SSBP4: variants seen among roughly 807,000 people sequenced by gnomAD.
The protein encoded by SSBP4 is single stranded DNA binding protein 4.
A neutral mutation model predicts 64.6 loss-of-function variants in SSBP4; 33 were observed. That is an observed-to-expected ratio of 0.51 (90% CI 0.39 to 0.68). The LOEUF is 0.68. Among genes scored for constraint, SSBP4 ranks in the 30% least tolerant of loss-of-function variants. SSBP4 has a pLI of 0.00. For synonymous variants in SSBP4, 243 were observed against 224.0 expected (o/e 1.08, Z -0.76); for missense variants, 583 against 566.8 (o/e 1.03, Z -0.29).
intron 1 of SSBP4, chr19:18,425,859 C>G (rs1020322669): frequency 6.6e-6 from 1 of 152,420 alleles, no homozygotes; most frequent in Non-Finnish European, 1.5e-5. Context: ...CTTGCCTTTC[C>G]GTAGCCTCAG....
Position 18,433,622 on chromosome 19 carries a change from G to C in SSBP4, c.1020+9G>C. On this transcript the variant is annotated intron_variant, in intron 16 of 17. Transcript: ENST00000270061. ...TGGACGGGTTGCCGAAGGTAAGGAG[G>C]CTGCGCTCTTGCCGGGGGTGGGATC... 6.8e-7 allele frequency: 1 copy of C among 1,480,770 alleles called. No homozygotes were observed. The highest frequency in any genetic ancestry group is 9.0e-7 in the Non-Finnish European group (1 of 1,117,102). 91.7% of individuals were successfully genotyped at this position (1,480,770 alleles called of 1,614,324 possible). A position where few individuals can be genotyped will look rare whatever the true frequency, so the allele number is the denominator to read the frequency against.
intron 17 of SSBP4, 37 bp downstream of exon 17, chr19:18,433,854 T>C: frequency 8.1e-7 from 1 of 1,229,300 alleles, no homozygotes; most frequent in South Asian, 1.7e-5. Context: ...CGCGGCGGCG[T>C]CGGGCCGGAG....
chr19:18,415,739 C>T (rs910605981), upstream of SSBP4, among the ~76,000 whole-genome samples: 15 of 152,298 alleles, frequency 9.8e-5, no homozygotes, highest in African/African-American at 3.1e-4. Context: ...AGCGCAAAGG[C>T]TTATGGGTGG....
chr19:18,428,355 T>TG (rs1402514386), intron 4 of SSBP4, among the ~76,000 whole-genome samples: 3 of 152,040 alleles, frequency 2.0e-5, no homozygotes, highest in Admixed American at 1.3e-4. Flanking sequence ...GTGTGTGCAT[T>TG]GGGGGTCACT....
chr19:18,419,428 G>T lies in SSBP4; in HGVS notation c.-221G>T. The T allele has an allele frequency of 9.6e-7, 1 of 1,045,324 alleles. No homozygotes were observed. The highest frequency in any genetic ancestry group is 1.1e-6 in the Non-Finnish European group (1 of 870,704). 64.8% of individuals were successfully genotyped at this position (1,045,324 alleles called of 1,614,324 possible). A position where few individuals can be genotyped will look rare whatever the true frequency, so the allele number is the denominator to read the frequency against. On this transcript the variant is annotated 5_prime_UTR_variant, in exon 1 of 18. Coordinates refer to ENST00000270061, the MANE Select transcript of SSBP4 (RefSeq NM_032627.5). ...CCGGAACAGCCCGCGCGGAGGAAAGGGAGGAAAAAAAGCCACCCTGCGGCC... is the reference window on the plus strand; with the variant it reads ...CCGGAACAGCCCGCGCGGAGGAAAGTGAGGAAAAAAAGCCACCCTGCGGCC...
Position 18,427,174 on chromosome 19 carries a change from G to T in SSBP4, c.60-177G>T, listed in dbSNP as rs887932159. Among the ~76,000 whole-genome samples the T allele has an allele frequency of 6.6e-6, 1 of 152,168 alleles. No homozygotes were observed. The highest frequency in any genetic ancestry group is 2.4e-5 in the African/African-American group (1 of 41,424). ...ACAGCCGAATTCGGCCCGGAATTGG[G>T]GGTCACGGATGCCTGGGAGGGGCCT... On this transcript the variant is annotated intron_variant, in intron 1 of 17. Coordinates refer to ENST00000270061, the MANE Select transcript of SSBP4 (RefSeq NM_032627.5). The surrounding 1 kb of genome is among the most constrained non-coding windows in gnomAD (Gnocchi z 4.4).
the SSBP4 span, among the ~76,000 whole-genome samples, chr19:18,405,715 A>C: frequency 7.5e-5 from 11 of 146,930 alleles, no homozygotes; most frequent in Admixed American, 6.1e-4. Context: ...GGCCAAGTGC[A>C]GTGGCTCATG....
At chr19:18,422,364 C>T (rs1466914970) in intron 1 of SSBP4, among the ~76,000 whole-genome samples, 1 of 152,142 alleles carries the variant, frequency 6.6e-6, no homozygotes, top group East Asian at 1.9e-4. Flanking sequence ...GGACTCAAGG[C>T]TCTCGGAAGT....
Position 18,431,726 on chromosome 19 carries a change from A to C in SSBP4, c.495+20A>C, listed in dbSNP as rs1973399934. 1 of 1,545,122 alleles carries C rather than the reference A, an allele frequency of 6.5e-7. No individual in the cohort carries two copies. The highest frequency in any genetic ancestry group is 1.4e-5 in the African/African-American group (1 of 72,906). ...AGTCAGGTGAGAAAGGGATGAGGGG[A>C]GGGCGGGCAGGAGCTGGGCCGGGGA... On this transcript the variant is annotated intron_variant, in intron 7 of 17. Coordinates refer to ENST00000270061, the MANE Select transcript of SSBP4 (RefSeq NM_032627.5).
At chr19:18,430,779 C>G (rs1600338446) in intron 4 of SSBP4, 62 bp from the exon 5 acceptor site, 9 of 1,481,318 alleles carry the variant, frequency 6.1e-6, no homozygotes, top group Middle Eastern at 3.5e-4. Context: ...GGGGGGCACA[C>G]CCCAGGTAGG....
chr19:18,433,465 G>C, intron 15 of SSBP4, 120 bp from the exon 16 acceptor site: 4 of 1,484,814 alleles, frequency 2.7e-6, no homozygotes, highest in Non-Finnish European at 3.6e-6. Context: ...GTTCCTGGCG[G>C]GCTGTGCGGG....
At position 18,426,620 on chromosome 19, in the gene SSBP4, G is replaced by T. The variant is rs1305044988; in HGVS notation, c.60-731G>T. Among the ~76,000 whole-genome samples the T allele has an allele frequency of 6.6e-6, 1 of 152,208 alleles. No homozygotes were observed. The stretch of plus-strand genomic sequence containing the variant: ...GCTGGAGCCACCTGGCTGGGCGAGG[G>T]TGACTCAGGTCCAAGCCCTTGGGGT... On this transcript the variant is annotated intron_variant, in intron 1 of 17. Coordinates refer to ENST00000270061, the MANE Select transcript of SSBP4 (RefSeq NM_032627.5). The surrounding 1 kb of genome is among the most constrained non-coding windows in gnomAD (Gnocchi z 4.5).
upstream of SSBP4, among the ~76,000 whole-genome samples, chr19:18,418,303 G>A (rs1393184438): frequency 1.3e-5 from 2 of 152,198 alleles, no homozygotes; most frequent in South Asian, 2.1e-4. The surrounding 1 kb of genome is among the most constrained non-coding windows in gnomAD (Gnocchi z 6.7). Flanking sequence ...TCTAGACCCA[G>A]AGTCAACCGC....
the SSBP4 span, among the ~76,000 whole-genome samples, chr19:18,408,188 C>A: frequency 6.6e-6 from 1 of 152,214 alleles, no homozygotes. Context: ...GTGACGCTGA[C>A]CACGGGAGGC....
Position 18,432,127 on chromosome 19 carries a change from C to G in SSBP4, c.637-20C>G, listed in dbSNP as rs753357545. The G allele has an allele frequency of 6.2e-7, 1 of 1,611,774 alleles. No homozygotes were observed. Among genetic ancestry groups the G allele is most frequent in the African/African-American group, 1.3e-5 (1 of 74,940 alleles). On this transcript the variant is annotated intron_variant, in intron 9 of 17. Transcript: ENST00000270061. The stretch of plus-strand genomic sequence containing the variant: ...CGGGCTGTCCCCGGTCTACCCCTCA[C>G]AGCCCCTTTGCCTCCGCAGAGCTAT...
intron 5 of SSBP4, 142 bp downstream of exon 5, chr19:18,431,072 C>T: frequency 3.9e-6 from 4 of 1,034,452 alleles, no homozygotes; most frequent in Non-Finnish European, 5.7e-6. Context: ...CAGGTGTGCC[C>T]AGGTGGGCCT....
At chr19:18,429,287 C>G (rs1486988926) in intron 4 of SSBP4, among the ~76,000 whole-genome samples, 1 of 151,648 alleles carries the variant, frequency 6.6e-6, no homozygotes, top group Non-Finnish European at 1.5e-5. Flanking sequence ...TCCCTGCCGA[C>G]CTTGGCGTCT....
At chr19:18,418,910 G>C, upstream of SSBP4, 6 of 946,634 alleles carry the variant, frequency 6.3e-6, no homozygotes, top group Non-Finnish European at 7.6e-6. The surrounding 1 kb of genome is among the most constrained non-coding windows in gnomAD (Gnocchi z 6.7). Flanking sequence ...TGTGAGCTGG[G>C]TGTGTGGCAG....
rs1395920665 is a variant in SSBP4, at chr19:18,419,591, C to T, written c.-58C>T. On this transcript the variant is annotated 5_prime_UTR_variant, in exon 1 of 18. Transcript: ENST00000270061. ...GCGGGGTAGCTATGGCGACGGCAAG[C>T]GCGGCCCGCGGCGCCGCCTGACAGG... The T allele has an allele frequency of 2.4e-6, 3 of 1,229,626 alleles. No individual in the cohort carries two copies. Among genetic ancestry groups the T allele is most frequent in the African/African-American group, 1.6e-5 (1 of 62,010 alleles). The allele number at this position is 1,229,626 out of a possible 1,614,324, so 76.2% of individuals were successfully genotyped here.
Sources: gnomAD v4.1 joint callset for allele counts (sites outside exome capture counted in the v4.1 genomes callset) on GRCh38, gnomAD v4.1.1 for gene constraint, Gnocchi (gnomAD v3.1) non-coding constraint, MANE v1.5 for transcripts, NCBI Gene and HGNC (gene_info 2026-07-23, HGNC 2026-07-21) for gene names.